LPP: variants seen among roughly 807,000 people sequenced by gnomAD.
LPP encodes the protein lipoma-preferred partner.
In LPP, 38 loss-of-function variants were observed where a neutral mutation model predicts 60.4. The ratio of observed to expected loss-of-function variants is 0.63; its 90% confidence interval spans 0.49 to 0.83. LPP has a LOEUF of 0.83. Ranked by LOEUF, LPP falls within the 40% of genes least tolerant of loss-of-function variation. The pLI is 0.00. For missense variants in LPP, 902 were observed against 783.6 expected (o/e 1.15, Z -1.80); for synonymous variants, 328 against 290.8 (o/e 1.13, Z -1.30).
chr3:188,647,865 G>A (rs1851401156), intron 7 of LPP, among the ~76,000 whole-genome samples: 1 of 152,162 alleles, frequency 6.6e-6, no homozygotes, highest in Non-Finnish European at 1.5e-5. Context: ...TAAAGGTGAG[G>A]GAAGACTGGA....
intron 8 of LPP, among the ~76,000 whole-genome samples, chr3:188,722,947 G>A (rs984747575): frequency 3.3e-5 from 5 of 152,118 alleles, no homozygotes; most frequent in African/African-American, 1.2e-4. Context: ...ATCTCTATTT[G>A]AATTAACACT....
intron 4 of LPP, among the ~76,000 whole-genome samples, chr3:188,476,582 T>C (rs1213402790): frequency 2.0e-5 from 3 of 152,226 alleles, no homozygotes; most frequent in Non-Finnish European, 2.9e-5. Flanking sequence ...ATGAGAATGC[T>C]GGTTTCCCTA....
chr3:188,661,305 G>T (rs1233243279), intron 7 of LPP, among the ~76,000 whole-genome samples: 1 of 152,074 alleles, frequency 6.6e-6, no homozygotes, highest in African/African-American at 2.4e-5. Context: ...AAACATCCAC[G>T]TGCTGGTTTC....
At chr3:188,703,257 C>T (rs1864841566) in intron 7 of LPP, among the ~76,000 whole-genome samples, 1 of 152,162 alleles carries the variant, frequency 6.6e-6, no homozygotes, top group Non-Finnish European at 1.5e-5. Context: ...AATATTCAAT[C>T]GTGTTTTATT....
intron 2 of LPP, among the ~76,000 whole-genome samples, chr3:188,232,711 A>G (rs1384717973): frequency 2.6e-5 from 4 of 152,058 alleles, no homozygotes; most frequent in Admixed American, 6.6e-5. Context: ...TTAAAAGTAC[A>G]TAGTAGGAAA....
intron 7 of LPP, among the ~76,000 whole-genome samples, chr3:188,619,400 G>A (rs1161118098): frequency 6.6e-6 from 1 of 152,202 alleles, no homozygotes; most frequent in African/African-American, 2.4e-5. Flanking sequence ...GCTACTAGAA[G>A]ACAACTGAGG....
At chr3:188,300,857 G>A (rs993358616) in intron 2 of LPP, among the ~76,000 whole-genome samples, 2 of 152,084 alleles carry the variant, frequency 1.3e-5, no homozygotes, top group Non-Finnish European at 2.9e-5. Flanking sequence ...TGGATATGAC[G>A]ACATAATGAT....
intron 7 of LPP, among the ~76,000 whole-genome samples, chr3:188,665,002 C>T (rs1004780454): frequency 6.6e-6 from 1 of 152,124 alleles, no homozygotes; most frequent in Admixed American, 6.5e-5. Context: ...GTGTAGTACG[C>T]CCTCTAGAGG....
chr3:188,748,827 T>G (rs1560151279), intron 8 of LPP, among the ~76,000 whole-genome samples: 1 of 152,070 alleles, frequency 6.6e-6, no homozygotes, highest in Non-Finnish European at 1.5e-5. Context: ...AAAGCCAAAC[T>G]GGAAAGTTTC....
Position 188,878,461 on chromosome 3 carries a change from G to C in LPP, c.*3982G>C, listed in dbSNP as rs1476295270. The C allele has an allele frequency of 4.7e-6, 1 of 214,152 alleles. No individual in the cohort carries two copies. Among genetic ancestry groups the C allele is most frequent in the Non-Finnish European group, 9.5e-6 (1 of 105,816 alleles). 13.3% of individuals were successfully genotyped at this position (214,152 alleles called of 1,614,324 possible). ...CAAGCGATTGTCCATCTGTTGCCTA[G>C]AGCTATAGTACATGTGTGTTATGAA... is the stretch of plus-strand genomic sequence containing the variant. On this transcript the variant is annotated 3_prime_UTR_variant, in exon 12 of 12. Transcript: ENST00000617246.
intron 3 of LPP, among the ~76,000 whole-genome samples, chr3:188,366,912 T>G (rs1771342621): frequency 6.6e-6 from 1 of 152,188 alleles, no homozygotes; most frequent in East Asian, 1.9e-4. Flanking sequence ...TTTTTTTTTT[T>G]TTGAGACAGA....
chr3:188,728,338 C>G (rs1719174859), intron 8 of LPP, among the ~76,000 whole-genome samples: 1 of 152,124 alleles, frequency 6.6e-6, no homozygotes, highest in Non-Finnish European at 1.5e-5. Context: ...TAAAATGTCA[C>G]TTATAACTAT....
chr3:188,299,253 A>G (rs1029248914), intron 2 of LPP, among the ~76,000 whole-genome samples: 1 of 152,156 alleles, frequency 6.6e-6, no homozygotes, highest in African/African-American at 2.4e-5. Context: ...TTTTAAAACT[A>G]CAGAATTGAT....
intron 4 of LPP, among the ~76,000 whole-genome samples, chr3:188,455,556 G>C (rs916449299): frequency 6.6e-6 from 1 of 152,158 alleles, no homozygotes; most frequent in African/African-American, 2.4e-5. Flanking sequence ...TATTTTATCA[G>C]TCACTTGCTC....
At chr3:188,692,302 T>A (rs1175007450) in intron 7 of LPP, among the ~76,000 whole-genome samples, 1 of 152,178 alleles carries the variant, frequency 6.6e-6, no homozygotes. Flanking sequence ...CACTGACATC[T>A]TCATGCACAG....
chr3:188,572,432 G>T lies in LPP; in HGVS notation c.430-36729G>T, dbSNP rs1322808871. Among the ~76,000 whole-genome samples, 2 of 152,070 alleles carry T rather than the reference G, an allele frequency of 1.3e-5. No individual in the cohort carries two copies. Among genetic ancestry groups the T allele is most frequent in the Admixed American group, 1.3e-4 (2 of 15,252 alleles). On this transcript the variant is annotated intron_variant, in intron 6 of 11. Transcript: ENST00000617246. The surrounding 1 kb of genome is among the most constrained non-coding windows in gnomAD (Gnocchi z 4.1). ...AATGTTAGACTCCTCATTAGGATTT[G>T]GGTAGAGGTTAATGTCGGTAGACAC...
At chr3:188,255,903 A>G (rs941032778) in intron 2 of LPP, among the ~76,000 whole-genome samples, 3 of 152,178 alleles carry the variant, frequency 2.0e-5, no homozygotes, top group African/African-American at 4.8e-5. Flanking sequence ...CAGGATAATC[A>G]TTGCATTGAT....
chr3:188,402,614 T>C (rs963296922), intron 3 of LPP, among the ~76,000 whole-genome samples: 3 of 152,238 alleles, frequency 2.0e-5, no homozygotes, highest in Non-Finnish European at 2.9e-5. Flanking sequence ...GTGAATGCTA[T>C]AGCAATTCTA....
In LPP at chr3:188,436,011, A is replaced by G. The variant is rs138429384; in HGVS notation, c.193+29698A>G. Among the ~76,000 whole-genome samples the G allele has an allele frequency of 5.3e-4, 80 of 152,300 alleles. No homozygotes were observed. The East Asian group carries it at 9.4e-3, about 18-fold the overall frequency. On this transcript the variant is annotated intron_variant, in intron 4 of 11. Transcript: ENST00000617246. ...GAACTTCCATTCTTCCTCTGTCCCAAACCTAATATTAACAATAACAGGAGC... is the reference window on the plus strand; with the variant it reads ...GAACTTCCATTCTTCCTCTGTCCCAGACCTAATATTAACAATAACAGGAGC...
Sources: allele counts gnomAD v4.1 joint callset (sites outside exome capture counted in the v4.1 genomes callset), GRCh38; gene constraint gnomAD v4.1.1; non-coding constraint Gnocchi (gnomAD v3.1); transcripts MANE v1.5; gene names NCBI Gene and HGNC (gene_info 2026-07-23, HGNC 2026-07-21).